The following PVT1 variants were observed in gnomAD, a reference collection of about 807,000 sequenced individuals.
The protein encoded by PVT1 is Pvt1 oncogene.
At chr8:127,812,196 G>T (rs1563611678) in intron 2 of PVT1, among the ~76,000 whole-genome samples, 1 of 132,776 alleles carries the variant, frequency 7.5e-6, no homozygotes, top group Non-Finnish European at 1.6e-5. Flanking sequence ...GGGAGGGAGG[G>T]ACGGAGGAAG....
At chr8:127,878,287 T>C (rs920050252) in intron 2 of PVT1, among the ~76,000 whole-genome samples, 16 of 152,196 alleles carry the variant, frequency 1.1e-4, no homozygotes, top group Admixed American at 9.8e-4. Context: ...AGCCTAAAGA[T>C]GAAGGAGAGT....
chr8:127,948,781 CTTCT>C (rs1448671495), intron 3 of PVT1: 3 of 152,240 alleles, frequency 2.0e-5, no homozygotes, highest in Non-Finnish European at 4.4e-5. Flanking sequence ...TGATCCTGGA[CTTCT>C]GGCTTTCAGA....
At chr8:128,070,263 T>C (rs1169919305) in exon 5 of PVT1, 3 of 152,532 alleles carry the variant, frequency 2.0e-5, no homozygotes, top group Non-Finnish European at 4.4e-5. Flanking sequence ...TTGCTGCTAG[T>C]GGACATGAGG....
At chr8:127,876,141 A>C (rs1302238874) in intron 2 of PVT1, among the ~76,000 whole-genome samples, 2 of 152,206 alleles carry the variant, frequency 1.3e-5, no homozygotes, top group African/African-American at 4.8e-5. Context: ...TTTGAGAGCC[A>C]CTGACCTAGA....
At chr8:127,949,984 G>A (rs1240905703) in intron 3 of PVT1, among the ~76,000 whole-genome samples, 1 of 152,258 alleles carries the variant, frequency 6.6e-6, no homozygotes, top group Non-Finnish European at 1.5e-5. Flanking sequence ...TGCCTTCCCT[G>A]GCGGCCCGGG....
intron 4 of PVT1, among the ~76,000 whole-genome samples, chr8:128,023,533 C>G (rs1480297754): frequency 1.3e-5 from 2 of 152,198 alleles, no homozygotes; most frequent in Non-Finnish European, 2.9e-5. Context: ...GATTCAAATC[C>G]TGCCAGGGCA....
intron 3 of PVT1, among the ~76,000 whole-genome samples, chr8:127,920,395 A>G (rs1816041970): frequency 6.6e-6 from 1 of 152,130 alleles, no homozygotes; most frequent in African/African-American, 2.4e-5. Context: ...CAGATTCAAT[A>G]TTTTTTCTAT....
Position 128,027,080 on chromosome 8 carries a change from T to G in PVT1, n.912+37789T>G, listed in dbSNP as rs567214474. Among the ~76,000 whole-genome samples, 3 of 152,088 alleles carry G rather than the reference T, an allele frequency of 2.0e-5. No individual in the cohort carries two copies. In the South Asian group the frequency reaches 6.3e-4, roughly 32 times the overall value. On this transcript the variant is annotated intron_variant and non_coding_transcript_variant, in intron 4 of 10. Transcript: ENST00000651587. ...CCCTGCTTCCATTTATGTGTGGATC[T>G]CCCTCTGTTCTTACATAAGAATCTC...
At chr8:127,993,035 T>C (rs116801132) in intron 4 of PVT1, among the ~76,000 whole-genome samples, 1 of 152,352 alleles carries the variant, frequency 6.6e-6, no homozygotes, top group African/African-American at 2.4e-5. Context: ...CAGAAACATC[T>C]TCTCAAAACA....
chr8:127,901,748 GT>G (rs60036236), intron 3 of PVT1, among the ~76,000 whole-genome samples: 5,736 of 144,584 alleles, frequency 0.04, 349 homozygotes, highest in African/African-American at 0.13. Context: ...TTTGAGAAGA[GT>G]TTTTTTTTTT....
chr8:127,979,296 C>T (rs1816858057), intron 3 of PVT1, among the ~76,000 whole-genome samples: 2 of 152,272 alleles, frequency 1.3e-5, no homozygotes, highest in African/African-American at 4.8e-5. Flanking sequence ...TGTTTGCACA[C>T]TGCTCACTAC....
At chr8:128,029,725 G>A (rs1813366815) in intron 4 of PVT1, among the ~76,000 whole-genome samples, 4 of 152,312 alleles carry the variant, frequency 2.6e-5, no homozygotes, top group Admixed American at 2.6e-4. Flanking sequence ...CTTGAACCCA[G>A]GAGGTGGAGG....
chr8:127,833,609 A>T (rs568406546), intron 2 of PVT1, among the ~76,000 whole-genome samples: 12 of 152,136 alleles, frequency 7.9e-5, no homozygotes, highest in Non-Finnish European at 1.6e-4. Context: ...GCATGCTATG[A>T]TGCCCAGCTA....
At chr8:128,068,974 T>A (rs1043138968) in intron 4 of PVT1, among the ~76,000 whole-genome samples, 1 of 152,240 alleles carries the variant, frequency 6.6e-6, no homozygotes, top group East Asian at 1.9e-4. Context: ...GAAAGCTGTG[T>A]GACAAAAGGG....
At chr8:128,074,384 G>A (rs1245585135) in intron 5 of PVT1, among the ~76,000 whole-genome samples, 3 of 151,816 alleles carry the variant, frequency 2.0e-5, no homozygotes, top group African/African-American at 7.3e-5. Flanking sequence ...TTAGTGGGGT[G>A]TGGTGGTGCA....
intron 2 of PVT1, among the ~76,000 whole-genome samples, chr8:127,884,322 C>T (rs1180769969): frequency 6.6e-6 from 1 of 152,224 alleles, no homozygotes; most frequent in Non-Finnish European, 1.5e-5. Context: ...TCAGATCATT[C>T]TCACTGGTCG....
chr8:127,817,083 A>G (rs1004960072), intron 2 of PVT1, among the ~76,000 whole-genome samples: 1 of 145,350 alleles, frequency 6.9e-6, no homozygotes, highest in East Asian at 2.0e-4. Flanking sequence ...CAGAATTTCC[A>G]GGGTATACAG....
intron 2 of PVT1, among the ~76,000 whole-genome samples, chr8:127,871,737 T>G (rs955311223): frequency 6.6e-6 from 1 of 152,212 alleles, no homozygotes; most frequent in Non-Finnish European, 1.5e-5. Context: ...CAGCGAAGCA[T>G]CTGTACTTTT....
intron 5 of PVT1, among the ~76,000 whole-genome samples, chr8:128,086,578 C>T (rs550901408): frequency 1.4e-4 from 22 of 152,224 alleles, no homozygotes; most frequent in Non-Finnish European, 3.2e-4. Context: ...TCATAAAAGG[C>T]TCCAACAAAC....
Sources: allele counts gnomAD v4.1 joint callset (sites outside exome capture counted in the v4.1 genomes callset), GRCh38; gene constraint gnomAD v4.1.1; transcripts MANE v1.5; gene names NCBI Gene and HGNC (gene_info 2026-07-23, HGNC 2026-07-21).